Variants in TSHZ3 observed in about 807,000 individuals in gnomAD.
TSHZ3 encodes teashirt homolog 3.
TSHZ3 carries 10 observed loss-of-function variants against 64.5 expected under a neutral mutation model. That is an observed-to-expected ratio of 0.16 (90% confidence interval 0.10 to 0.26). TSHZ3 has a LOEUF of 0.26. TSHZ3 is among the 10% of genes least tolerant of loss of function. The pLI, the probability that TSHZ3 is intolerant of heterozygous loss-of-function variation, is 1.00. For synonymous variants in TSHZ3, 608 were observed against 593.1 expected, an observed-to-expected ratio of 1.03 and a Z score of -0.36; for missense variants, 1,242 against 1,421.7, an observed-to-expected ratio of 0.87 and a Z score of 2.03.
At chr19:31,217,035 G>A (rs1975343172) in intron 4 of TSHZ3, among the ~76,000 whole-genome samples, 2 of 152,010 alleles carry the variant, frequency 1.3e-5, no homozygotes. Flanking sequence ...CTGACCTCAG[G>A]TGATCCACCC....
At position 31,278,161 on chromosome 19, in the gene TSHZ3, C is replaced by G; in HGVS notation, c.1632G>C (p.Trp544Cys). Reference protein sequence around the residue: ...INKAQNGTPSWGGYPSIHAAY... With the variant: ...INKAQNGTPSCGGYPSIHAAY... ...CGGCATGGATGCTGGGATAGCCCCCCCAGCTAGGAGTGCCGTTCTGGGCCT... is the reference window on the plus strand; with the variant it reads ...CGGCATGGATGCTGGGATAGCCCCCGCAGCTAGGAGTGCCGTTCTGGGCCT... Residue 544 changes from tryptophan (W) to cysteine (C), a missense_variant, in exon 2 of 2, where the codon TGG becomes TGC. By Grantham distance (215) the Trp-to-Cys change is radical. Coordinates refer to ENST00000240587, the MANE Select transcript of TSHZ3 (RefSeq NM_020856.4). The surrounding 1 kb of genome is among the most constrained non-coding windows in gnomAD (Gnocchi z 4.7). The G allele has an allele frequency of 6.2e-7, 1 of 1,614,130 alleles. No individual in the cohort carries two copies. The highest frequency in any genetic ancestry group is 8.5e-7 in the Non-Finnish European group (1 of 1,180,014).
intron 1 of TSHZ3, among the ~76,000 whole-genome samples, chr19:31,251,871 G>A (rs913930070): frequency 6.6e-5 from 10 of 152,192 alleles, no homozygotes; most frequent in Non-Finnish European, 1.3e-4. Flanking sequence ...CCACTGCAGC[G>A]CTGATGCCGG....
upstream of TSHZ3, among the ~76,000 whole-genome samples, chr19:31,349,951 G>A (rs1188687470): frequency 1.5e-5 from 2 of 132,628 alleles, no homozygotes; most frequent in Admixed American, 7.3e-5. Flanking sequence ...CCCCGCCAGC[G>A]AAAGGGGTGC....
chr19:31,325,829 C>G (rs1021575131), intron 1 of TSHZ3, among the ~76,000 whole-genome samples: 5 of 152,250 alleles, frequency 3.3e-5, no homozygotes, highest in African/African-American at 1.2e-4. Flanking sequence ...AAACGTGGCC[C>G]TTAAAAAGTA....
At chr19:31,214,909 GAAAAAAAA>G (rs950173415) in intron 4 of TSHZ3, among the ~76,000 whole-genome samples, 2 of 41,856 alleles carry the variant, frequency 4.8e-5, no homozygotes, top group Non-Finnish European at 1.0e-4. Context: ...CTCTGTCTCA[GAAAAAAAA>G]AAAAAAAAAA....
intron 1 of TSHZ3, among the ~76,000 whole-genome samples, chr19:31,328,331 T>G (rs1599651315): frequency 6.6e-6 from 1 of 152,218 alleles, no homozygotes; most frequent in Non-Finnish European, 1.5e-5. Flanking sequence ...GCCTTGGGTG[T>G]GTGCATATAG....
At chr19:31,250,540 T>C (rs79720132) in intron 1 of TSHZ3, among the ~76,000 whole-genome samples, 3 of 152,344 alleles carry the variant, frequency 2.0e-5, no homozygotes, top group East Asian at 3.9e-4. Context: ...AGTTAAATAA[T>C]GGATGCTTAG....
Position 31,192,773 on chromosome 19 carries a change from G to A in TSHZ3, n.809+12183C>T, listed in dbSNP as rs77631643. The stretch of plus-strand genomic sequence containing the variant: ...CTCTTATGTTGACGCAAACAACACT[G>A]CAGAGGAAATCGTGAAATATATCCC... On this transcript the variant is annotated intron_variant and non_coding_transcript_variant, in intron 5 of 6. Transcript: ENST00000651361. 6.3e-3 allele frequency among the ~76,000 whole-genome samples: 952 copies of A among 152,298 alleles called. 15 individuals are homozygous for A. The highest frequency in any genetic ancestry group is 0.022 in the African/African-American group (908 of 41,548).
At chr19:31,217,594 C>T (rs1331289186) in intron 4 of TSHZ3, among the ~76,000 whole-genome samples, 1 of 152,146 alleles carries the variant, frequency 6.6e-6, no homozygotes, top group Non-Finnish European at 1.5e-5. Flanking sequence ...CCTCCATTAT[C>T]GACAGCCCCC....
intron 5 of TSHZ3, among the ~76,000 whole-genome samples, chr19:31,201,091 GA>G (rs1188713995): frequency 6.6e-6 from 1 of 152,108 alleles, no homozygotes; most frequent in Non-Finnish European, 1.5e-5. Flanking sequence ...GGTGCCTATT[GA>G]ATATTTATGT....
chr19:31,293,640 C>T (rs1320785147), intron 1 of TSHZ3, among the ~76,000 whole-genome samples: 1 of 152,182 alleles, frequency 6.6e-6, no homozygotes, highest in East Asian at 1.9e-4. Flanking sequence ...ATGGAAAAGT[C>T]CCCTCTAAAC....
Position 31,156,311 on chromosome 19 carries a change from AT to A in TSHZ3, n.871+44del, listed in dbSNP as rs754144197. ...GAACAGTTAGGAGCAGACAGAGAAAATTTTTAGCACTTGTGTAACAATAATA... is the reference window on the plus strand; with the variant it reads ...GAACAGTTAGGAGCAGACAGAGAAAATTTTAGCACTTGTGTAACAATAATA... On this transcript the variant is annotated intron_variant and non_coding_transcript_variant, in intron 6 of 6. Transcript: ENST00000651361. Among the ~76,000 whole-genome samples the A allele has an allele frequency of 5.3e-4, 80 of 152,178 alleles. 1 individual carries two copies. The highest frequency in any genetic ancestry group is 3.4e-4 in the Non-Finnish European group (23 of 68,026).
chr19:31,256,676 G>A (rs1438065902), intron 1 of TSHZ3, among the ~76,000 whole-genome samples: 1 of 152,168 alleles, frequency 6.6e-6, no homozygotes, highest in African/African-American at 2.4e-5. Context: ...TTTGCAATAT[G>A]GGAACAGCCC....
Position 31,235,699 on chromosome 19 carries a change from C to CTTT in TSHZ3, n.550+6567_550+6569dup, listed in dbSNP as rs34677399. ...TTTCTTTCTTTCTTCTCCTCTTCTT[C>CTTT]TTTTTTTTTTTTTTTTTTTTTTTTA... On this transcript the variant is annotated intron_variant and non_coding_transcript_variant, in intron 3 of 6. Transcript: ENST00000651361. Among the ~76,000 whole-genome samples the CTTT allele has an allele frequency of 2.8e-3, 168 of 59,538 alleles. 6 individuals carry two copies. Among genetic ancestry groups the CTTT allele is most frequent in the African/African-American group, 1.0e-2 (140 of 14,038 alleles). The allele number at this position is 59,538 out of a possible 152,430, so 39.1% of individuals were successfully genotyped here.
At chr19:31,248,112 C>T (rs899865263) in intron 1 of TSHZ3, among the ~76,000 whole-genome samples, 5 of 152,026 alleles carry the variant, frequency 3.3e-5, no homozygotes, top group Non-Finnish European at 7.4e-5. Context: ...TACTCACTAC[C>T]ACGAGAACAG....
At chr19:31,300,442 A>AT (rs1267942413) in intron 1 of TSHZ3, among the ~76,000 whole-genome samples, 3 of 152,262 alleles carry the variant, frequency 2.0e-5, no homozygotes, top group Non-Finnish European at 4.4e-5. Flanking sequence ...TTGAACACAA[A>AT]TTTTTTTTAT....
At chr19:31,260,386 G>A (rs961293342) in intron 1 of TSHZ3, among the ~76,000 whole-genome samples, 20 of 152,204 alleles carry the variant, frequency 1.3e-4, no homozygotes, top group South Asian at 1.0e-3. Context: ...GCAAATTACC[G>A]CCCCTCCTCT....
At position 31,349,303 on chromosome 19, in the gene TSHZ3, G is replaced by T. The variant is rs980571932; in HGVS notation, c.-84C>A. On this transcript the variant is annotated 5_prime_UTR_variant, in exon 1 of 2. Transcript: ENST00000240587. ...GGAGGGAGGGGGCGGCGGGCCCGCG[G>T]GGGGGCGAGGCGGGCCTGCTCTCAG... is the stretch of plus-strand genomic sequence containing the variant. 1.3e-5 allele frequency: 18 copies of T among 1,387,722 alleles called. No individual in the cohort carries two copies. The highest frequency in any genetic ancestry group is 8.7e-5 in the East Asian group (3 of 34,558). 86.0% of individuals were successfully genotyped at this position (1,387,722 alleles called of 1,614,324 possible). A position where few individuals can be genotyped will look rare whatever the true frequency, so the allele number is the denominator to read the frequency against.
chr19:31,279,297 C>T lies in TSHZ3; in HGVS notation c.496G>A (p.Asp166Asn), dbSNP rs1599621516. 6 of 1,613,566 alleles carry T rather than the reference C, an allele frequency of 3.7e-6. No individual in the cohort carries two copies. Among genetic ancestry groups the T allele is most frequent in the African/African-American group, 1.3e-5 (1 of 74,912 alleles). The stretch of plus-strand genomic sequence containing the variant: ...TTAGCCATGGCGCTCTGGTGCCAGT[C>T]GAAGCTCCCGCTGCCACAGCTGCTG... The part of the protein sequence containing the change: ...SSSSCGSGSF[D>N]WHQSAMAKTL... The change falls in exon 2 of 2, where the codon GAC becomes AAC. Residue 166 changes from aspartate to asparagine, a missense_variant. By Grantham distance (23) the Asp-to-Asn change is conservative. Transcript: ENST00000240587. The surrounding 1 kb of genome is among the most constrained non-coding windows in gnomAD (Gnocchi z 6.4).
Sources: gnomAD v4.1 joint callset for allele counts (sites outside exome capture counted in the v4.1 genomes callset) on GRCh38, gnomAD v4.1.1 for gene constraint, Gnocchi (gnomAD v3.1) non-coding constraint, MANE v1.5 for transcripts, NCBI Gene and HGNC (gene_info 2026-07-23, HGNC 2026-07-21) for gene names.